PARD3: variants seen among roughly 807,000 people sequenced by gnomAD.
PARD3 encodes the protein par-3 family cell polarity regulator.
A neutral mutation model predicts 155.4 loss-of-function variants in PARD3; 75 were observed. The ratio of observed to expected loss-of-function variants is 0.48; its 90% CI spans 0.40 to 0.58. The LOEUF is 0.58. PARD3 is among the 20% of genes least tolerant of loss of function. The pLI, the probability that PARD3 is intolerant of heterozygous loss-of-function variation, is 0.00. For missense variants in PARD3, 1,642 were observed against 1,721.7 expected (o/e 0.95, Z 0.82); for synonymous variants, 576 against 610.5 (o/e 0.94, Z 0.83).
chr10:34,514,288 C>T (rs1388675554), intron 3 of PARD3, among the ~76,000 whole-genome samples: 1 of 152,188 alleles, frequency 6.6e-6, no homozygotes, highest in Admixed American at 6.5e-5. Flanking sequence ...CAAATCTCTA[C>T]ATATTGTTGG....
chr10:34,727,899 C>T (rs1433903779), intron 1 of PARD3, among the ~76,000 whole-genome samples: 1 of 151,478 alleles, frequency 6.6e-6, no homozygotes, highest in African/African-American at 2.4e-5. Flanking sequence ...CACACACACA[C>T]ACACACACCA....
chr10:34,397,949 G>A (rs572359979), intron 7 of PARD3, among the ~76,000 whole-genome samples: 26 of 152,042 alleles, frequency 1.7e-4, no homozygotes, highest in Middle Eastern at 3.4e-3. Context: ...TTTCTTACAC[G>A]AAATAAAGGC....
In PARD3 at chr10:34,382,883, G is replaced by A. The variant is rs1005854813; in HGVS notation, c.1056C>T (p.Ile352=). Residue 352 remains isoleucine (I), a synonymous_variant, in exon 9 of 25, where the codon ATC becomes ATT. Transcript: ENST00000374788. ...HMFRQAMRTP[I]IWFHVVPAAN... Reference sequence around the variant, plus strand: ...CTGCAGGAACCACATGGAACCAAATGATGGGTGTACGCATGGCTTGGCGAA... The same window carrying A: ...CTGCAGGAACCACATGGAACCAAATAATGGGTGTACGCATGGCTTGGCGAA... The A allele has an allele frequency of 6.2e-7, 1 of 1,614,168 alleles. No homozygotes were observed. Among genetic ancestry groups the A allele is most frequent in the African/African-American group, 1.3e-5 (1 of 75,062 alleles).
At chr10:34,397,999 T>C (rs1843504410) in intron 7 of PARD3, among the ~76,000 whole-genome samples, 1 of 152,198 alleles carries the variant, frequency 6.6e-6, no homozygotes, top group African/African-American at 2.4e-5. Context: ...CTATAAGTTA[T>C]TTGAAGAAAT....
intron 2 of PARD3, among the ~76,000 whole-genome samples, chr10:34,605,287 G>A (rs2090150360): frequency 7.1e-6 from 1 of 141,252 alleles, no homozygotes; most frequent in Non-Finnish European, 1.5e-5. Flanking sequence ...CCACCTCCGG[G>A]GTTCACGCCA....
chr10:34,667,967 A>T (rs2093528274), intron 2 of PARD3, among the ~76,000 whole-genome samples: 1 of 152,212 alleles, frequency 6.6e-6, no homozygotes, highest in Admixed American at 6.5e-5. Flanking sequence ...GGGGAAGAGG[A>T]GGTGCAGTAC....
At chr10:34,808,592 T>A (rs1217773819) in intron 1 of PARD3, among the ~76,000 whole-genome samples, 2 of 152,056 alleles carry the variant, frequency 1.3e-5, no homozygotes, top group African/African-American at 4.8e-5. Flanking sequence ...GATGGAAAAT[T>A]ACCTATAGAA....
intron 2 of PARD3, among the ~76,000 whole-genome samples, chr10:34,602,265 T>A (rs1284952922): frequency 6.6e-6 from 1 of 152,232 alleles, no homozygotes; most frequent in African/African-American, 2.4e-5. Flanking sequence ...TCAATGTTAC[T>A]AAAAACTATT....
intron 2 of PARD3, among the ~76,000 whole-genome samples, chr10:34,693,532 G>A (rs1386146569): frequency 6.6e-6 from 1 of 152,110 alleles, no homozygotes; most frequent in Non-Finnish European, 1.5e-5. Flanking sequence ...ATCTCACGTG[G>A]ACATAAAGAG....
chr10:34,272,157 A>C (rs1003414407), intron 21 of PARD3, among the ~76,000 whole-genome samples: 8 of 152,244 alleles, frequency 5.3e-5, no homozygotes, highest in African/African-American at 1.9e-4. Context: ...CTAAAAAATT[A>C]ACTCAAAATG....
chr10:34,648,659 G>A (rs1483076302), intron 2 of PARD3, among the ~76,000 whole-genome samples: 2 of 152,224 alleles, frequency 1.3e-5, no homozygotes, highest in Non-Finnish European at 2.9e-5. Context: ...AGCTCAGTCA[G>A]TAATGCTCCC....
chr10:34,326,909 C>T (rs1835086815), intron 19 of PARD3, among the ~76,000 whole-genome samples: 1 of 152,100 alleles, frequency 6.6e-6, no homozygotes, highest in African/African-American at 2.4e-5. Flanking sequence ...AAATTCTGAA[C>T]TTGATATATC....
chr10:34,791,012 T>C (rs1384485959), intron 1 of PARD3, among the ~76,000 whole-genome samples: 1 of 152,036 alleles, frequency 6.6e-6, no homozygotes, highest in Non-Finnish European at 1.5e-5. Flanking sequence ...TTTCAGAGTA[T>C]CAAAAAATAC....
chr10:34,719,546 C>T (rs1381640812), intron 1 of PARD3, among the ~76,000 whole-genome samples: 3 of 152,158 alleles, frequency 2.0e-5, no homozygotes, highest in Non-Finnish European at 4.4e-5. Flanking sequence ...ACACAAAACT[C>T]GTTTGACAAC....
chr10:34,601,710 C>T (rs2384230), intron 2 of PARD3, among the ~76,000 whole-genome samples: 1 of 151,578 alleles, frequency 6.6e-6, no homozygotes, highest in South Asian at 2.1e-4. Flanking sequence ...CTTCAGTTTC[C>T]GACTACATTT....
At chr10:34,717,336 A>G (rs892597876) in intron 1 of PARD3, among the ~76,000 whole-genome samples, 1 of 152,170 alleles carries the variant, frequency 6.6e-6, no homozygotes, top group Non-Finnish European at 1.5e-5. Context: ...AAAATTAAAC[A>G]AACTCCAGGC....
At chr10:34,774,429 C>G (rs1407271475) in intron 1 of PARD3, among the ~76,000 whole-genome samples, 1 of 152,174 alleles carries the variant, frequency 6.6e-6, no homozygotes, top group Non-Finnish European at 1.5e-5. Flanking sequence ...CCTAACCCTG[C>G]CAATTTTCCT....
rs560866420 is a variant in PARD3 at position 34,446,792 on chromosome 10, C to A, written c.714+3525G>T. On this transcript the variant is annotated intron_variant, in intron 5 of 24. Coordinates refer to ENST00000374788, the MANE Select transcript of PARD3 (RefSeq NM_001184785.2). ...ATCACGGTGTGCAAGGCAAGCTGTC[C>A]CTTTTTGCTGTTTCATATTTTAATA... 2.0e-5 allele frequency among the ~76,000 whole-genome samples: 3 copies of A among 152,108 alleles called. No homozygotes were observed. The East Asian group carries it at 5.8e-4, about 29-fold the overall frequency.
intron 2 of PARD3, among the ~76,000 whole-genome samples, chr10:34,601,816 T>C (rs1433638343): frequency 6.6e-6 from 1 of 152,190 alleles, no homozygotes; most frequent in Non-Finnish European, 1.5e-5. Flanking sequence ...ACATGGGCCC[T>C]TGGACTTTTT....
Sources: gnomAD v4.1 joint callset for allele counts (sites outside exome capture counted in the v4.1 genomes callset) on GRCh38, gnomAD v4.1.1 for gene constraint, MANE v1.5 for transcripts, NCBI Gene and HGNC (gene_info 2026-07-23, HGNC 2026-07-21) for gene names.